Variants in DDX6 observed in about 807,000 individuals in gnomAD.
DDX6 encodes DEAD-box helicase 6.
DDX6 carries 7 observed loss-of-function variants against 60.6 expected under a neutral mutation model. The ratio of observed to expected loss-of-function variants is 0.12; its 90% confidence interval spans 0.07 to 0.22. The LOEUF is 0.22. Ranked by LOEUF, DDX6 falls within the 10% of genes least tolerant of loss-of-function variation. The pLI is 1.00. For missense variants in DDX6, 270 were observed against 589.9 expected (o/e 0.46, Z 5.62); for synonymous variants, 207 against 201.0 (o/e 1.03, Z -0.25).
chr11:118,785,833 T>G (rs1862055742), intron 2 of DDX6: 3 of 407,742 alleles, frequency 7.4e-6, no homozygotes. Flanking sequence ...ACAAAATTTG[T>G]GTGTATCATC....
chr11:118,760,567 A>T (rs1555159934), intron 7 of DDX6, among the ~76,000 whole-genome samples: 1 of 152,208 alleles, frequency 6.6e-6, no homozygotes, highest in Non-Finnish European at 1.5e-5. Flanking sequence ...TCACGCCTGT[A>T]ATCCCAGCAC....
chr11:118,771,120 C>T (rs1861521236), intron 4 of DDX6, among the ~76,000 whole-genome samples: 1 of 152,102 alleles, frequency 6.6e-6, no homozygotes, highest in South Asian at 2.1e-4. Flanking sequence ...TCTGTGGTGC[C>T]AGTAGTCTGT....
chr11:118,762,118 T>C (rs1555160343), intron 7 of DDX6, among the ~76,000 whole-genome samples: 1 of 151,642 alleles, frequency 6.6e-6, no homozygotes, highest in African/African-American at 2.4e-5. Context: ...CTACTAAAAA[T>C]ACAAGAATTA....
intron 7 of DDX6, among the ~76,000 whole-genome samples, chr11:118,760,943 A>C (rs1326030578): frequency 1.3e-5 from 2 of 151,668 alleles, no homozygotes; most frequent in East Asian, 2.0e-4. Context: ...AGTTCAAGAC[A>C]AGACTGGTTG....
intron 11 of DDX6, among the ~76,000 whole-genome samples, chr11:118,756,019 C>CG (rs1369540641): frequency 5.1e-5 from 2 of 38,960 alleles, no homozygotes. Flanking sequence ...ATCCCCCTCC[C>CG]CCCCCCCCCC....
chr11:118,777,289 T>C (rs546939029), intron 4 of DDX6, among the ~76,000 whole-genome samples: 53 of 152,268 alleles, frequency 3.5e-4, no homozygotes, highest in Admixed American at 2.7e-3. Context: ...GGTTTGTCCT[T>C]AGCACAGCCT....
chr11:118,751,969 GAA>G lies in DDX6; in HGVS notation c.*134_*135del. ...TTTTTCTCTTCACCAGTTAAAAAAA[GAA>G]AATGTCTGAGCTCTTTTAAGTCTTC... On this transcript the variant is annotated 3_prime_UTR_variant, in exon 14 of 14. Coordinates refer to ENST00000534980, the MANE Select transcript of DDX6 (RefSeq NM_004397.6). 2.5e-6 allele frequency: 1 copy of G among 392,542 alleles called. No homozygotes were observed. Among genetic ancestry groups the G allele is most frequent in the Non-Finnish European group, 4.9e-6 (1 of 202,098 alleles). The allele number at this position is 392,542 out of a possible 1,614,324, so 24.3% of individuals were successfully genotyped here.
At chr11:118,759,895 T>G (rs1555159785) in intron 8 of DDX6, 27 bp downstream of exon 8, 1 of 1,603,334 alleles carries the variant, frequency 6.2e-7, no homozygotes, top group East Asian at 2.2e-5. Context: ...AGGATGGCAC[T>G]GATTCCAAGT....
chr11:118,752,852 G>A (rs1860824285), intron 13 of DDX6, among the ~76,000 whole-genome samples: 1 of 152,166 alleles, frequency 6.6e-6, no homozygotes, highest in Admixed American at 6.5e-5. Context: ...ACTCTGGGAA[G>A]CCAAAGTGGG....
chr11:118,769,806 G>C (rs1439029008), intron 4 of DDX6, among the ~76,000 whole-genome samples: 1 of 151,988 alleles, frequency 6.6e-6, no homozygotes, highest in Non-Finnish European at 1.5e-5. Context: ...CCGGGTTCAC[G>C]CCATTCTCCT....
At chr11:118,772,179 T>C (rs569121333) in intron 4 of DDX6, among the ~76,000 whole-genome samples, 81 of 152,338 alleles carry the variant, frequency 5.3e-4, no homozygotes, top group Admixed American at 1.1e-3. Context: ...TTGAGATCAT[T>C]AAATCCCCTT....
At chr11:118,781,250 CAATTAT>C in intron 2 of DDX6, 66 bp from the exon 3 acceptor site, 2 of 992,836 alleles carry the variant, frequency 2.0e-6, no homozygotes, top group South Asian at 3.0e-5. Context: ...TGATTCATCT[CAATTAT>C]AATTAAGTGT....
At chr11:118,764,752 C>T (rs1555160958) in intron 6 of DDX6, among the ~76,000 whole-genome samples, 1 of 150,406 alleles carries the variant, frequency 6.6e-6, no homozygotes, top group Non-Finnish European at 1.5e-5. Context: ...TGCAGTGAGT[C>T]AAGATTGCGC....
Position 118,781,235 on chromosome 11 carries a change from A to G in DDX6, c.201-51T>C, listed in dbSNP as rs1459140264. ...GTATCAAAATTCATAGCATCCTAAC[A>G]AAGATGATTCATCTCAATTATAATT... On this transcript the variant is annotated intron_variant, in intron 2 of 13. Transcript: ENST00000534980. 6 of 1,150,136 alleles carry G rather than the reference A, an allele frequency of 5.2e-6. No homozygotes were observed. In the Middle Eastern group the frequency reaches 5.9e-4, roughly 113 times the overall value. The allele number at this position is 1,150,136 out of a possible 1,614,324, so 71.2% of individuals were successfully genotyped here. A position where few individuals can be genotyped will look rare whatever the true frequency, so the allele number is the denominator to read the frequency against.
At chr11:118,767,273 AACT>A (rs1466159528) in intron 5 of DDX6, among the ~76,000 whole-genome samples, 2 of 152,196 alleles carry the variant, frequency 1.3e-5, no homozygotes, top group African/African-American at 4.8e-5. Context: ...TAAAAGCCCC[AACT>A]ACATTTGAGT....
chr11:118,755,592 T>C, intron 11 of DDX6, 89 bp from the exon 12 acceptor site: 1 of 702,554 alleles, frequency 1.4e-6, no homozygotes. Flanking sequence ...TAACCTAAGT[T>C]TATTAATTTA....
chr11:118,760,387 G>T (rs1462677025), intron 7 of DDX6, among the ~76,000 whole-genome samples: 1 of 152,156 alleles, frequency 6.6e-6, no homozygotes, highest in Non-Finnish European at 1.5e-5. Flanking sequence ...ACTGCAGCCT[G>T]AACTTCCTGG....
In DDX6 at chr11:118,786,048, T is replaced by C; in HGVS notation, c.200+4A>G. 1 of 1,611,484 alleles carries C rather than the reference T, an allele frequency of 6.2e-7. No homozygotes were observed. The highest frequency in any genetic ancestry group is 2.2e-5 in the East Asian group (1 of 44,828). On this transcript the variant is annotated splice_donor_region_variant and intron_variant, in intron 2 of 13. Coordinates refer to ENST00000534980, the MANE Select transcript of DDX6 (RefSeq NM_004397.6). ...GTTTATTAATAATTTACTCTAACAC[T>C]TACTTAATAGTGGTGGTCATACTCT...
intron 4 of DDX6, among the ~76,000 whole-genome samples, chr11:118,769,068 G>GA (rs1175311193): frequency 1.4e-5 from 2 of 144,000 alleles, no homozygotes; most frequent in African/African-American, 5.1e-5. Flanking sequence ...AAAGCAAAAC[G>GA]ATCACTTGAG....
Sources: allele counts gnomAD v4.1 joint callset (sites outside exome capture counted in the v4.1 genomes callset), GRCh38; gene constraint gnomAD v4.1.1; transcripts MANE v1.5; gene names NCBI Gene and HGNC (gene_info 2026-07-23, HGNC 2026-07-21).